The following ZNF492 variants were observed in gnomAD, a reference collection of about 807,000 sequenced individuals.
ZNF492 encodes zinc finger protein 492.
Under a neutral mutation model 6.4 loss-of-function variants are expected in ZNF492, and 3 were observed. That is an observed-to-expected ratio of 0.47 (90% CI 0.21 to 1.22). ZNF492 has a LOEUF of 1.22. Ranked by LOEUF, ZNF492 falls within the 50% of genes most tolerant of loss-of-function variation. The pLI, the probability that ZNF492 is intolerant of heterozygous loss-of-function variation, is 0.22. For synonymous variants in ZNF492, 112 were observed against 205.3 expected, an observed-to-expected ratio of 0.55 and a Z score of 3.89; for missense variants, 356 against 612.5, an observed-to-expected ratio of 0.58 and a Z score of 4.42.
intron 1 of ZNF492, 49 bp downstream of exon 1, chr19:22,634,523 G>C (rs1310255023): frequency 7.3e-7 from 1 of 1,369,330 alleles, no homozygotes; most frequent in South Asian, 1.2e-5. Flanking sequence ...GGGCTGGTTG[G>C]AACCGGTGGC....
chr19:22,656,936 G>T (rs1972002500), intron 3 of ZNF492, among the ~76,000 whole-genome samples: 1 of 152,042 alleles, frequency 6.6e-6, no homozygotes, highest in Non-Finnish European at 1.5e-5. Context: ...CTCATTACAG[G>T]TTTGAGTCAT....
At chr19:22,660,889 A>T (rs1347679094) in intron 3 of ZNF492, among the ~76,000 whole-genome samples, 2 of 144,198 alleles carry the variant, frequency 1.4e-5, no homozygotes, top group African/African-American at 2.6e-5. Flanking sequence ...AGATTTGTTG[A>T]TGGTATTATC....
chr19:22,642,939 G>A (rs548347778), intron 1 of ZNF492, among the ~76,000 whole-genome samples: 1 of 152,226 alleles, frequency 6.6e-6, no homozygotes, highest in African/African-American at 2.4e-5. Context: ...GATTATCCAA[G>A]GTACTTATTT....
chr19:22,639,189 G>T lies in ZNF492; in HGVS notation c.-94+4715G>T, dbSNP rs180932961. On this transcript the variant is annotated intron_variant, in intron 1 of 3. Coordinates refer to ENST00000456783, the MANE Select transcript of ZNF492 (RefSeq NM_020855.3). ...GCACAAAATGGTTTTCCATTTGTTT[G>T]TGTCATCTCTGACTTCAAGCAGTGT... 2.5e-3 allele frequency among the ~76,000 whole-genome samples: 384 copies of T among 152,140 alleles called. 2 individuals are homozygous for T. The highest frequency in any genetic ancestry group is 8.6e-3 in the African/African-American group (356 of 41,512).
intron 1 of ZNF492, among the ~76,000 whole-genome samples, chr19:22,642,572 G>A (rs1407568529): frequency 1.3e-5 from 2 of 150,888 alleles, no homozygotes; most frequent in East Asian, 3.9e-4. Flanking sequence ...TATACTTTTA[G>A]TAGAGACGGG....
intron 3 of ZNF492, among the ~76,000 whole-genome samples, chr19:22,658,050 G>T (rs958715676): frequency 2.6e-5 from 4 of 151,988 alleles, no homozygotes; most frequent in Admixed American, 6.6e-5. Context: ...TATAATTCTG[G>T]ATCTTCTTCA....
intron 1 of ZNF492, among the ~76,000 whole-genome samples, chr19:22,645,823 A>G (rs978408055): frequency 8.5e-5 from 13 of 152,126 alleles, no homozygotes; most frequent in African/African-American, 2.2e-4. Context: ...TGAATATCAG[A>G]TGGTTGTAGA....
intron 1 of ZNF492, among the ~76,000 whole-genome samples, chr19:22,638,512 C>A (rs1971790541): frequency 6.6e-6 from 1 of 152,048 alleles, no homozygotes; most frequent in Admixed American, 6.6e-5. Flanking sequence ...CCAAAGCTAA[C>A]AACCAGATGG....
In ZNF492 at chr19:22,665,441, T is replaced by C; in HGVS notation, c.*176T>C. 7.7e-7 allele frequency: 1 copy of C among 1,303,790 alleles called. No individual in the cohort carries two copies. The highest frequency in any genetic ancestry group is 1.0e-6 in the Non-Finnish European group (1 of 973,506). 80.8% of individuals were successfully genotyped at this position (1,303,790 alleles called of 1,614,324 possible). ...ATACTTGAGAACAAATGTACAAATA[T>C]AAAGAAAGTAAAAAAGTGATTAATA... On this transcript the variant is annotated 3_prime_UTR_variant, in exon 4 of 4. Coordinates refer to ENST00000456783, the MANE Select transcript of ZNF492 (RefSeq NM_020855.3).
intron 1 of ZNF492, among the ~76,000 whole-genome samples, chr19:22,652,747 T>G (rs1189088675): frequency 6.6e-6 from 1 of 151,926 alleles, no homozygotes; most frequent in African/African-American, 2.4e-5. Flanking sequence ...GCCCGGCTAA[T>G]TTTTTGTATT....
At chr19:22,658,931 GAACTGTAATGCCTCC>G (rs1972025273) in intron 3 of ZNF492, among the ~76,000 whole-genome samples, 1 of 150,292 alleles carries the variant, frequency 6.7e-6, no homozygotes, top group African/African-American at 2.5e-5. Flanking sequence ...TTGAAATCAG[GAACTGTAATGCCTCC>G]AACATTGTTT....
At chr19:22,647,257 G>GTTT (rs777750378) in intron 1 of ZNF492, among the ~76,000 whole-genome samples, 17 of 140,294 alleles carry the variant, frequency 1.2e-4, no homozygotes, top group East Asian at 2.1e-4. Flanking sequence ...TTTGTTTGTT[G>GTTT]TTGTTTTTTT....
At chr19:22,662,843 C>G (rs936384127) in intron 3 of ZNF492, among the ~76,000 whole-genome samples, 13 of 151,762 alleles carry the variant, frequency 8.6e-5, no homozygotes, top group African/African-American at 3.2e-4. Flanking sequence ...TGCCCTTTGT[C>G]AGATGGGTAG....
chr19:22,653,568 G>C (rs1971964121), intron 2 of ZNF492, 135 bp downstream of exon 2: 3 of 1,146,804 alleles, frequency 2.6e-6, no homozygotes, highest in Admixed American at 2.7e-5. Context: ...TGTCTATGTA[G>C]AAAAGAATTT....
intron 1 of ZNF492, among the ~76,000 whole-genome samples, chr19:22,645,632 T>A (rs570303163): frequency 1.3e-5 from 2 of 152,338 alleles, no homozygotes; most frequent in South Asian, 4.1e-4. Flanking sequence ...TAGATTTTCT[T>A]CTAGGGTTTT....
chr19:22,643,232 T>C (rs73030511), intron 1 of ZNF492, among the ~76,000 whole-genome samples: 29,327 of 151,848 alleles, frequency 0.19, 3,658 homozygotes, highest in African/African-American at 0.36. Context: ...GCACATCTTG[T>C]CACTGCACTC....
At chr19:22,637,704 A>G (rs1971782689) in intron 1 of ZNF492, among the ~76,000 whole-genome samples, 1 of 152,188 alleles carries the variant, frequency 6.6e-6, no homozygotes, top group Non-Finnish European at 1.5e-5. Flanking sequence ...ATGTCTTTAT[A>G]ATAGAATAAT....
At chr19:22,640,556 A>G (rs1262364532) in intron 1 of ZNF492, among the ~76,000 whole-genome samples, 1 of 152,218 alleles carries the variant, frequency 6.6e-6, no homozygotes, top group Non-Finnish European at 1.5e-5. Context: ...TGGTTTGCCA[A>G]TATTTTGTTG....
intron 1 of ZNF492, among the ~76,000 whole-genome samples, chr19:22,649,202 C>T (rs747884537): frequency 7.2e-5 from 11 of 151,978 alleles, no homozygotes; most frequent in South Asian, 2.1e-4. Context: ...TAGTTTGGCT[C>T]GATATAAAAT....
Sources: allele counts gnomAD v4.1 joint callset (sites outside exome capture counted in the v4.1 genomes callset), GRCh38; gene constraint gnomAD v4.1.1; transcripts MANE v1.5; gene names NCBI Gene and HGNC (gene_info 2026-07-23, HGNC 2026-07-21).